TTC39B: variants seen among roughly 807,000 people sequenced by gnomAD.
TTC39B encodes tetratricopeptide repeat protein 39B.
In TTC39B, 92 loss-of-function variants were observed where a neutral mutation model predicts 96.6. The observed-to-expected ratio is 0.95, with a 90% CI of 0.80 to 1.13. The LOEUF (loss-of-function observed/expected upper bound fraction) is 1.13. Ranked by LOEUF, TTC39B falls within the 50% of genes most tolerant of loss-of-function variation. The pLI is 0.00. For synonymous variants in TTC39B, 367 were observed against 299.4 expected (o/e 1.23, Z -2.33); for missense variants, 955 against 809.3 (o/e 1.18, Z -2.18).
chr9:15,173,651 T>C (rs1210418046), intron 19 of TTC39B, among the ~76,000 whole-genome samples: 1 of 152,180 alleles, frequency 6.6e-6, no homozygotes, highest in Non-Finnish European at 1.5e-5. Flanking sequence ...ATCCCAGACA[T>C]TGTGCTAGAC....
At chr9:15,185,577 G>C (rs1472674916) in intron 15 of TTC39B, 171 bp from the exon 16 acceptor site, 1 of 951,542 alleles carries the variant, frequency 1.1e-6, no homozygotes, top group African/African-American at 1.7e-5. Context: ...TACTGAATCA[G>C]CAACTCCAGG....
intron 19 of TTC39B, among the ~76,000 whole-genome samples, chr9:15,172,747 T>C (rs1253018384): frequency 6.6e-6 from 1 of 152,128 alleles, no homozygotes; most frequent in Non-Finnish European, 1.5e-5. Context: ...AAAAATGGAA[T>C]ACTTTTACAT....
At chr9:15,264,199 C>A (rs10961946) in intron 2 of TTC39B, among the ~76,000 whole-genome samples, 45,485 of 152,018 alleles carry the variant, frequency 0.3, 10,957 homozygotes, top group African/African-American at 0.67. Context: ...CCCACTTTAA[C>A]AGCACATGAA....
chr9:15,189,761 C>T (rs1186546831), exon 12 of TTC39B: 11 of 1,613,396 alleles, frequency 6.8e-6, no homozygotes, highest in South Asian at 1.1e-5. Context: ...CCAGGAGACG[C>T]TCTGCTTCCG....
intron 17 of TTC39B, 123 bp from the exon 18 acceptor site, chr9:15,177,937 T>G: frequency 1.9e-6 from 1 of 525,118 alleles, no homozygotes; most frequent in East Asian, 4.0e-5. Context: ...TGGCGCAATC[T>G]CGGCTCACTG....
At chr9:15,257,156 C>T (rs1280749791) in intron 2 of TTC39B, among the ~76,000 whole-genome samples, 1 of 152,118 alleles carries the variant, frequency 6.6e-6, no homozygotes, top group Non-Finnish European at 1.5e-5. Context: ...AAAATGATGT[C>T]ATATAAAGCA....
rs961630385 is a variant in TTC39B, at chr9:15,306,427, G to A, written c.240+657C>T. Among the ~76,000 whole-genome samples, 6 of 152,140 alleles carry A rather than the reference G, an allele frequency of 3.9e-5. No individual in the cohort carries two copies. The highest frequency in any genetic ancestry group is 1.3e-4 in the Admixed American group (2 of 15,284). On this transcript the variant is annotated intron_variant, in intron 1 of 19. Coordinates refer to ENST00000512701, the Ensembl canonical transcript of TTC39B. This position sits in a 1 kb window ranked among gnomAD's most constrained non-coding sequence, Gnocchi z 5.1. ...CGGTTCTCAAAGTGGTTTCCCTCCG[G>A]CCACCACCGACTCTGAGGACCTGCT...
chr9:15,190,685 TAGAA>T, intron 10 of TTC39B, 23 bp from the exon 11 acceptor site: 1 of 1,580,850 alleles, frequency 6.3e-7, no homozygotes, highest in African/African-American at 1.3e-5. Context: ...AATGCATTTT[TAGAA>T]AGAGAACAAG....
At chr9:15,244,703 C>A (rs183627399) in intron 2 of TTC39B, among the ~76,000 whole-genome samples, 84 of 152,298 alleles carry the variant, frequency 5.5e-4, no homozygotes, top group Middle Eastern at 3.4e-3. Context: ...ATGCTTCCTG[C>A]AGTCATGGGG....
At chr9:15,268,684 A>C (rs1039339285) in intron 1 of TTC39B, among the ~76,000 whole-genome samples, 1 of 152,144 alleles carries the variant, frequency 6.6e-6, no homozygotes, top group African/African-American at 2.4e-5. Flanking sequence ...ACCCAGCTTA[A>C]TCTTCCAAGC....
Position 15,290,892 on chromosome 9 carries a change from C to T in TTC39B, c.240+16192G>A, listed in dbSNP as rs1824165643. On this transcript the variant is annotated intron_variant, in intron 1 of 19. Coordinates refer to ENST00000512701, the Ensembl canonical transcript of TTC39B. ...TGTGTCTCCTTCCCAGGCGTATCCT[C>T]TATCTTGGCAAAATAAACCTCTAAA... 1.3e-5 allele frequency among the ~76,000 whole-genome samples: 2 copies of T among 152,210 alleles called. 1 individual carries two copies. The highest frequency in any genetic ancestry group is 4.8e-5 in the African/African-American group (2 of 41,448).
At chr9:15,230,081 T>A (rs1456233793) in intron 2 of TTC39B, among the ~76,000 whole-genome samples, 1 of 152,244 alleles carries the variant, frequency 6.6e-6, no homozygotes, top group East Asian at 1.9e-4. Flanking sequence ...CTGATATGCA[T>A]GTACCCTTGC....
chr9:15,196,959 G>C lies in TTC39B; in HGVS notation c.824+2902C>G, dbSNP rs1819206051. 2.6e-5 allele frequency among the ~76,000 whole-genome samples: 4 copies of C among 152,210 alleles called. No individual in the cohort carries two copies. The South Asian group carries it at 6.2e-4, about 24-fold the overall frequency. The stretch of plus-strand genomic sequence containing the variant: ...CTGAATGTCAGCAGCCATCAACATG[G>C]ATGCAAGACCTCCACCAACAAAAAG... On this transcript the variant is annotated intron_variant, in intron 8 of 19. Coordinates refer to ENST00000512701, the Ensembl canonical transcript of TTC39B.
At chr9:15,259,463 G>A (rs549640526) in intron 2 of TTC39B, among the ~76,000 whole-genome samples, 1 of 152,250 alleles carries the variant, frequency 6.6e-6, no homozygotes, top group African/African-American at 2.4e-5. Context: ...GTGTCTGTAT[G>A]GCAGATAATT....
intron 6 of TTC39B, among the ~76,000 whole-genome samples, chr9:15,204,503 C>T (rs370127725): frequency 9.4e-4 from 141 of 150,342 alleles, no homozygotes; most frequent in African/African-American, 3.3e-3. Flanking sequence ...CACTCCAGCC[C>T]GGGCAACAAG....
chr9:15,213,955 A>C (rs1458631086), intron 4 of TTC39B, among the ~76,000 whole-genome samples, 184 bp downstream of exon 4: 1 of 152,240 alleles, frequency 6.6e-6, no homozygotes, highest in Non-Finnish European at 1.5e-5. Flanking sequence ...ATTTTCTATT[A>C]ATTATATTTG....
intron 2 of TTC39B, among the ~76,000 whole-genome samples, chr9:15,229,446 A>AT (rs900715802): frequency 6.6e-6 from 1 of 152,324 alleles, no homozygotes; most frequent in African/African-American, 2.4e-5. Flanking sequence ...TAACTTGTAG[A>AT]TTTTTTAATC....
At chr9:15,212,702 C>A (rs1455610325) in intron 4 of TTC39B, among the ~76,000 whole-genome samples, 2 of 152,208 alleles carry the variant, frequency 1.3e-5, no homozygotes, top group African/African-American at 2.4e-5. Context: ...GCTGGGATTA[C>A]AGGCGTGAGC....
intron 1 of TTC39B, among the ~76,000 whole-genome samples, chr9:15,268,858 C>G (rs1823233119): frequency 6.6e-6 from 1 of 152,178 alleles, no homozygotes; most frequent in African/African-American, 2.4e-5. Context: ...TAAGCATACA[C>G]CATTCCAGTT....
Sources: allele counts gnomAD v4.1 joint callset (sites outside exome capture counted in the v4.1 genomes callset), GRCh38; gene constraint gnomAD v4.1.1; non-coding constraint Gnocchi (gnomAD v3.1); transcripts MANE v1.5; gene names NCBI Gene and HGNC (gene_info 2026-07-23, HGNC 2026-07-21).